The following SLC20A2 variants were observed in gnomAD, a reference collection of about 807,000 sequenced individuals.
SLC20A2 encodes sodium-dependent phosphate transporter 2.
Under a neutral mutation model 61.0 loss-of-function variants are expected in SLC20A2, and 30 were observed. That is an observed-to-expected ratio of 0.49 (90% CI 0.37 to 0.67). The LOEUF is 0.67. Ranked by LOEUF, SLC20A2 falls within the 30% of genes least tolerant of loss-of-function variation. SLC20A2 has a pLI of 0.00. For synonymous variants in SLC20A2, 351 were observed against 353.3 expected (o/e 0.99, Z 0.07); for missense variants, 626 against 866.4 (o/e 0.72, Z 3.48).
chr8:42,460,116 G>C, intron 4 of SLC20A2, 124 bp from the exon 5 acceptor site: 1 of 611,786 alleles, frequency 1.6e-6, no homozygotes, highest in South Asian at 1.8e-5. Context: ...GTGGCCAAAA[G>C]GATGGGCGTT....
At chr8:42,513,387 G>T (rs956780257) in intron 1 of SLC20A2, among the ~76,000 whole-genome samples, 12 of 152,150 alleles carry the variant, frequency 7.9e-5, no homozygotes, top group African/African-American at 2.7e-4. Context: ...CATATGACAT[G>T]ACTTTATGCT....
intron 1 of SLC20A2, among the ~76,000 whole-genome samples, chr8:42,483,186 C>T (rs1388158379): frequency 1.3e-5 from 2 of 151,892 alleles, no homozygotes; most frequent in Admixed American, 1.3e-4. Context: ...TTGTTTCCGT[C>T]TCTACTAAAA....
At chr8:42,499,803 TG>T (rs1216446530) in intron 1 of SLC20A2, among the ~76,000 whole-genome samples, 1 of 152,240 alleles carries the variant, frequency 6.6e-6, no homozygotes. Flanking sequence ...TAGAGGCTTC[TG>T]TTATCATTAT....
chr8:42,500,433 C>G (rs1335566697), intron 1 of SLC20A2, among the ~76,000 whole-genome samples: 2 of 152,192 alleles, frequency 1.3e-5, no homozygotes, highest in African/African-American at 2.4e-5. Flanking sequence ...TGATAACTAA[C>G]TCAGTCTAAA....
In SLC20A2 at chr8:42,540,174, C is replaced by G. The variant is rs146361817; in HGVS notation, c.-265+1647G>C. ...GGGCGTGGTGGCGGGCGCCTGTAATCCCAGCTACCTGGGAGGCTAAGGAAG... is the reference window on the plus strand; with the variant it reads ...GGGCGTGGTGGCGGGCGCCTGTAATGCCAGCTACCTGGGAGGCTAAGGAAG... On this transcript the variant is annotated intron_variant, in intron 1 of 10. Transcript: ENST00000342228. Among the ~76,000 whole-genome samples, 1,179 of 152,228 alleles carry G rather than the reference C, an allele frequency of 7.7e-3. 8 individuals carry two copies. The highest frequency in any genetic ancestry group is 0.027 in the African/African-American group (1,130 of 41,524).
chr8:42,475,197 T>C (rs368278413), intron 1 of SLC20A2, among the ~76,000 whole-genome samples: 15 of 152,158 alleles, frequency 9.9e-5, no homozygotes, highest in African/African-American at 2.9e-4. Flanking sequence ...CCGCCCAGGC[T>C]CAAGCGATCC....
At chr8:42,493,695 T>C (rs1490497503) in intron 1 of SLC20A2, among the ~76,000 whole-genome samples, 1 of 152,188 alleles carries the variant, frequency 6.6e-6, no homozygotes, top group Admixed American at 6.5e-5. Context: ...TCCAGTGTGG[T>C]AGTGAAAGCA....
chr8:42,488,641 C>G (rs1209057632), intron 1 of SLC20A2, among the ~76,000 whole-genome samples: 1 of 152,190 alleles, frequency 6.6e-6, no homozygotes, highest in Non-Finnish European at 1.5e-5. Context: ...AGCAGCCTCA[C>G]CATTTAGTAT....
chr8:42,528,353 G>T (rs2923426), intron 1 of SLC20A2, among the ~76,000 whole-genome samples: 103,904 of 151,694 alleles, frequency 0.68, 36,421 homozygotes, highest in African/African-American at 0.84. Flanking sequence ...TCCCAGCTAC[G>T]CAGGAGGCTG....
At chr8:42,533,884 T>G (rs1305944600) in intron 1 of SLC20A2, among the ~76,000 whole-genome samples, 1 of 150,964 alleles carries the variant, frequency 6.6e-6, no homozygotes, top group Non-Finnish European at 1.5e-5. Flanking sequence ...GGTCTCGAAC[T>G]CCTGACCTCG....
intron 1 of SLC20A2, among the ~76,000 whole-genome samples, chr8:42,478,106 G>A (rs960692561): frequency 2.0e-5 from 3 of 151,690 alleles, no homozygotes; most frequent in East Asian, 1.9e-4. Context: ...GGATGGTCTC[G>A]ATCTCTTGAC....
rs541973781 is a variant in SLC20A2, at chr8:42,514,048, C to A, written c.-265+27773G>T. 1.1e-4 allele frequency among the ~76,000 whole-genome samples: 16 copies of A among 152,288 alleles called. No individual in the cohort carries two copies. The Middle Eastern group carries it at 0.01, about 97-fold the overall frequency. ...CTAGATTGCTGGGGCCTACAAGCAC[C>A]ATGCTAAGGAGTGGGTCCACTATCC... On this transcript the variant is annotated intron_variant, in intron 1 of 10. Coordinates refer to the SLC20A2 transcript ENST00000342228.
intron 6 of SLC20A2, among the ~76,000 whole-genome samples, chr8:42,442,608 C>T (rs767716299): frequency 2.6e-5 from 4 of 152,198 alleles, no homozygotes; most frequent in Non-Finnish European, 4.4e-5. Context: ...CATAACAAGT[C>T]GTGAAGTCAG....
At chr8:42,444,377 T>C (rs545741627) in intron 6 of SLC20A2, among the ~76,000 whole-genome samples, 1 of 152,242 alleles carries the variant, frequency 6.6e-6, no homozygotes, top group Admixed American at 6.5e-5. Flanking sequence ...TGAAGGCTAA[T>C]GTTTTTCCAC....
chr8:42,528,278 G>A (rs1563550858), intron 1 of SLC20A2, among the ~76,000 whole-genome samples: 1 of 151,980 alleles, frequency 6.6e-6, no homozygotes, highest in Non-Finnish European at 1.5e-5. Context: ...TGGCTAACAC[G>A]GTGAAACCCC....
Position 42,528,966 on chromosome 8 carries a change from CTATTAT to C in SLC20A2, c.-265+12849_-265+12854del, listed in dbSNP as rs113173529. 4.0e-5 allele frequency among the ~76,000 whole-genome samples: 6 copies of C among 148,514 alleles called. No homozygotes were observed. In the South Asian group the frequency reaches 6.6e-4, roughly 16 times the overall value. On this transcript the variant is annotated intron_variant, in intron 1 of 10. Transcript: ENST00000342228. ...ACAGGCATGAGCCACCGAGCCCGGC[CTATTAT>C]TATTATTATTATTATTTTTTGAGAC...
At chr8:42,489,281 TTC>T (rs1391594929) in intron 1 of SLC20A2, among the ~76,000 whole-genome samples, 1 of 152,072 alleles carries the variant, frequency 6.6e-6, no homozygotes, top group Non-Finnish European at 1.5e-5. Context: ...TTCATGAATA[TTC>T]TCTGTTTGAT....
chr8:42,539,990 A>C (rs188961174), intron 1 of SLC20A2, among the ~76,000 whole-genome samples: 204 of 152,316 alleles, frequency 1.3e-3, no homozygotes, highest in Non-Finnish European at 2.6e-3. Flanking sequence ...AGGCATAAAC[A>C]AGCATTTAAT....
Position 42,417,749 on chromosome 8 carries a change from C to T in SLC20A2, c.*54G>A. ...GTGCGGCACGAGCACACATGTCTCC[C>T]ACACGCCAACACCAGACCATCCCTT... On this transcript the variant is annotated 3_prime_UTR_variant, in exon 11 of 11. Transcript: ENST00000520262. 6.3e-7 allele frequency: 1 copy of T among 1,590,704 alleles called. No individual in the cohort carries two copies. The highest frequency in any genetic ancestry group is 1.1e-5 in the South Asian group (1 of 90,530).
Sources: gnomAD v4.1 joint callset for allele counts (sites outside exome capture counted in the v4.1 genomes callset) on GRCh38, gnomAD v4.1.1 for gene constraint, MANE v1.5 for transcripts, NCBI Gene and HGNC (gene_info 2026-07-23, HGNC 2026-07-21) for gene names.